The following BCAR3 variants were observed in gnomAD, a reference collection of about 807,000 sequenced individuals.
BCAR3 encodes breast cancer anti-estrogen resistance protein 3.
In BCAR3, 37 loss-of-function variants were observed where a neutral mutation model predicts 80.1. That is an observed-to-expected ratio of 0.46 (90% CI 0.36 to 0.61). The LOEUF (loss-of-function observed/expected upper bound fraction) is 0.61, where lower values mean the gene tolerates loss of function less well. BCAR3 is among the 20% of genes least tolerant of loss of function. The pLI, the probability that BCAR3 is intolerant of heterozygous loss-of-function variation, is 0.00. For synonymous variants in BCAR3, 389 were observed against 418.9 expected (o/e 0.93, Z 0.87); for missense variants, 978 against 1,068.2 (o/e 0.92, Z 1.18).
rs559954268 is a variant in BCAR3, at chr1:93,720,659, T to C, written c.-62-14517A>G. On this transcript the variant is annotated intron_variant, in intron 2 of 13. Transcript: ENST00000370244. ...CCTACTGCCTTTGTTCCTTGTGTGT[T>C]TGTTTTTTCCTAATAAAAACTCAGA... 5.3e-5 allele frequency among the ~76,000 whole-genome samples: 8 copies of C among 152,352 alleles called. No homozygotes were observed. The South Asian group carries it at 1.7e-3, about 32-fold the overall frequency.
Position 93,582,522 on chromosome 1 carries a change from G to A in BCAR3, c.1465C>T (p.Pro489Ser). ...CCCTTCTCCATCTGAGCTGCCGCAG[G>A]TTCCCAAGGTCTTTCCCTGTCATCA... ...DDDDRERPWE[P>S]AAAQMEKGQW... Residue 489 changes from proline (P) to serine (S), a missense_variant, in exon 7 of 12, where the codon CCT becomes TCT. Coordinates refer to ENST00000260502, the MANE Select transcript of BCAR3 (RefSeq NM_003567.4). 6 of 1,613,922 alleles carry A rather than the reference G, an allele frequency of 3.7e-6. No individual in the cohort carries two copies. The highest frequency in any genetic ancestry group is 5.1e-6 in the Non-Finnish European group (6 of 1,179,944).
intron 3 of BCAR3, among the ~76,000 whole-genome samples, chr1:93,593,126 G>A (rs899493969): frequency 7.9e-5 from 12 of 152,214 alleles, no homozygotes; most frequent in East Asian, 3.9e-4. Flanking sequence ...GGTGGACAGC[G>A]GTGGCTCCAG....
intron 3 of BCAR3, among the ~76,000 whole-genome samples, chr1:93,619,477 A>G (rs1675246058): frequency 2.0e-5 from 3 of 152,178 alleles, no homozygotes; most frequent in Admixed American, 1.3e-4. Flanking sequence ...TTCTACACTT[A>G]CTATGCAAGC....
intron 2 of BCAR3, among the ~76,000 whole-genome samples, chr1:93,806,912 C>T (rs1396977201): frequency 6.6e-6 from 1 of 152,060 alleles, no homozygotes; most frequent in Non-Finnish European, 1.5e-5. Flanking sequence ...CTCAGGAGTT[C>T]AAGACTAGCC....
chr1:93,669,002 C>T (rs1203534225), intron 2 of BCAR3, among the ~76,000 whole-genome samples: 4 of 152,100 alleles, frequency 2.6e-5, no homozygotes, highest in African/African-American at 4.8e-5. Context: ...AATGAGCCAC[C>T]GCACCCGGCC....
chr1:93,661,503 T>TC (rs1446149702), intron 2 of BCAR3, among the ~76,000 whole-genome samples: 1 of 151,712 alleles, frequency 6.6e-6, no homozygotes, highest in Non-Finnish European at 1.5e-5. Flanking sequence ...TTTTTTTTTT[T>TC]TGAGACGAAG....
chr1:93,658,826 C>A (rs1315556938), intron 2 of BCAR3, among the ~76,000 whole-genome samples: 1 of 152,168 alleles, frequency 6.6e-6, no homozygotes, highest in African/African-American at 2.4e-5. Context: ...CACTTAATTA[C>A]AATGTAACAC....
chr1:93,748,987 C>T (rs940474687), intron 2 of BCAR3, among the ~76,000 whole-genome samples: 1 of 152,134 alleles, frequency 6.6e-6, no homozygotes, highest in Admixed American at 6.5e-5. Context: ...CATAATGTGC[C>T]AGTTTAGTTT....
intron 2 of BCAR3, among the ~76,000 whole-genome samples, chr1:93,740,843 T>A (rs1365574465): frequency 6.6e-6 from 1 of 152,106 alleles, no homozygotes; most frequent in Admixed American, 6.5e-5. Context: ...AGGGCGGGCT[T>A]TTTGTTTATT....
chr1:93,759,781 C>G (rs1425583166), intron 2 of BCAR3, among the ~76,000 whole-genome samples: 1 of 152,134 alleles, frequency 6.6e-6, no homozygotes, highest in Non-Finnish European at 1.5e-5. Context: ...GAAAGCCACA[C>G]AGGAGGTGCT....
intron 2 of BCAR3, among the ~76,000 whole-genome samples, chr1:93,796,544 C>A (rs886890128): frequency 6.6e-6 from 1 of 151,018 alleles, no homozygotes. Context: ...CACTGGCCTG[C>A]GCCCACTGTC....
chr1:93,714,704 CT>C lies in BCAR3; in HGVS notation c.-62-8563del, dbSNP rs374499120. 4.4e-3 allele frequency among the ~76,000 whole-genome samples: 643 copies of C among 144,850 alleles called. 5 individuals are homozygous for C. Among genetic ancestry groups the C allele is most frequent in the African/African-American group, 0.014 (537 of 39,764 alleles). On this transcript the variant is annotated intron_variant, in intron 2 of 13. Coordinates refer to the BCAR3 transcript ENST00000370244. ...ACTAATCACAACTAAGACCGCCTTTCTTTTTTTTTTTTCAGATGTCCTAAAA... is the reference window on the plus strand; with the variant it reads ...ACTAATCACAACTAAGACCGCCTTTCTTTTTTTTTTTCAGATGTCCTAAAA...
chr1:93,582,548 T>A lies in BCAR3; in HGVS notation c.1439A>T (p.Asp480Val), dbSNP rs149396478. ...TTCCCAAGGTCTTTCCCTGTCATCA[T>A]CATCAAGGATCAAGTAGTTGACGCC... ...NSGVNYLILD[D>V]DDRERPWEPA... is the part of the protein sequence containing the mutation. Residue 480 changes from aspartate (D) to valine (V), a missense_variant, in exon 7 of 12, where the codon GAT becomes GTT. Asp to Val is a radical substitution (Grantham distance 152). Coordinates refer to ENST00000260502, the MANE Select transcript of BCAR3 (RefSeq NM_003567.4). 1.9e-4 allele frequency: 299 copies of A among 1,613,472 alleles called. No individual in the cohort carries two copies. The highest frequency in any genetic ancestry group is 2.4e-4 in the Non-Finnish European group (288 of 1,179,796).
At chr1:93,735,832 T>C (rs1353197383) in intron 2 of BCAR3, among the ~76,000 whole-genome samples, 1 of 152,262 alleles carries the variant, frequency 6.6e-6, no homozygotes, top group Non-Finnish European at 1.5e-5. Context: ...GGAGCCAAAC[T>C]TCCTTAGGAG....
chr1:93,672,975 G>C (rs117781457), intron 2 of BCAR3, among the ~76,000 whole-genome samples: 3,516 of 152,228 alleles, frequency 0.023, 132 homozygotes, highest in African/African-American at 0.08. Flanking sequence ...TCCTTTTGGG[G>C]TTTTCAAACA....
intron 2 of BCAR3, among the ~76,000 whole-genome samples, chr1:93,762,013 G>A (rs1250984381): frequency 6.6e-6 from 1 of 152,176 alleles, no homozygotes; most frequent in African/African-American, 2.4e-5. Flanking sequence ...CAAGAGTTGG[G>A]ATCATGGTTT....
chr1:93,586,362 C>T lies in BCAR3; in HGVS notation c.930-2241G>A, dbSNP rs1345662749. On this transcript the variant is annotated intron_variant, in intron 5 of 11. Transcript: ENST00000260502. The surrounding 1 kb of genome is among the most constrained non-coding windows in gnomAD (Gnocchi z 4.2). ...ACATAATGATCTCCAATTCCATCCACGTGGTTGCAAATAACAGGATCTCAT... is the reference window on the plus strand; with the variant it reads ...ACATAATGATCTCCAATTCCATCCATGTGGTTGCAAATAACAGGATCTCAT... 3.3e-5 allele frequency among the ~76,000 whole-genome samples: 5 copies of T among 152,200 alleles called. No individual in the cohort carries two copies. The highest frequency in any genetic ancestry group is 4.8e-5 in the African/African-American group (2 of 41,454).
At chr1:93,563,419 T>C (rs1672787515) in intron 11 of BCAR3, among the ~76,000 whole-genome samples, 1 of 152,220 alleles carries the variant, frequency 6.6e-6, no homozygotes, top group African/African-American at 2.4e-5. Context: ...GGACATGCCA[T>C]TGTTTTTGTT....
In BCAR3 at chr1:93,582,693, G is replaced by A. The variant is rs144663653; in HGVS notation, c.1294C>T (p.Leu432=). ...WLNSEANYCE[L]NPAFATGCGR... ...CAGCCTGTGGCAAACGCTGGGTTCA[G>A]TTCACAGTAGTTGGCCTCTGAGTTG... The change falls in exon 7 of 12, where the codon CTG becomes TTG. Residue 432 remains leucine (L), a synonymous_variant. Coordinates refer to ENST00000260502, the MANE Select transcript of BCAR3 (RefSeq NM_003567.4). 325 of 1,614,096 alleles carry A rather than the reference G, an allele frequency of 2.0e-4. 1 individual carries two copies. The African/African-American group carries it at 3.1e-3, about 16-fold the overall frequency.
Sources: allele counts gnomAD v4.1 joint callset (sites outside exome capture counted in the v4.1 genomes callset), GRCh38; gene constraint gnomAD v4.1.1; non-coding constraint Gnocchi (gnomAD v3.1); transcripts MANE v1.5; gene names NCBI Gene and HGNC (gene_info 2026-07-23, HGNC 2026-07-21).